Variants in DLG2 observed in about 807,000 individuals in gnomAD.
DLG2 encodes the protein disks large homolog 2.
A neutral mutation model predicts 132.5 loss-of-function variants in DLG2; 45 were observed. That is an observed-to-expected ratio of 0.34 (90% confidence interval 0.27 to 0.44). The LOEUF (loss-of-function observed/expected upper bound fraction) is 0.44. Among genes scored for constraint, DLG2 ranks in the 20% least tolerant of loss-of-function variants. The pLI, the probability that DLG2 is intolerant of heterozygous loss-of-function variation, is 1.00. For synonymous variants in DLG2, 424 were observed against 419.6 expected (o/e 1.01, Z -0.13); for missense variants, 1,045 against 1,196.9 (o/e 0.87, Z 1.87).
In DLG2 at chr11:83,825,130, T is replaced by TACACAC. The variant is rs749607243; in HGVS notation, c.1722+8483_1722+8484insGTGTGT. On this transcript the variant is annotated intron_variant, in intron 17 of 27. Coordinates refer to ENST00000376104, the MANE Select transcript of DLG2 (RefSeq NM_001142699.3). ...ATAGACATATATATACACATATATA[T>TACACAC]ATACACACACACACACACACACATA... 4.7e-3 allele frequency among the ~76,000 whole-genome samples: 421 copies of TACACAC among 89,112 alleles called. 3 individuals are homozygous for TACACAC. The highest frequency in any genetic ancestry group is 0.018 in the Middle Eastern group (2 of 114). 58.5% of individuals were successfully genotyped at this position (89,112 alleles called of 152,430 possible).
At chr11:85,405,557 C>T (rs1486571156) in intron 3 of DLG2, among the ~76,000 whole-genome samples, 1 of 151,962 alleles carries the variant, frequency 6.6e-6, no homozygotes, top group Non-Finnish European at 1.5e-5. Flanking sequence ...GCTTACCATC[C>T]ACCAGACACT....
At chr11:85,183,751 A>C (rs185720107) in intron 4 of DLG2, among the ~76,000 whole-genome samples, 2 of 151,970 alleles carry the variant, frequency 1.3e-5, no homozygotes, top group African/African-American at 4.8e-5. Flanking sequence ...ACCTCTGAAT[A>C]TTAGATCACT....
chr11:84,594,159 G>A (rs1183986494), intron 6 of DLG2, among the ~76,000 whole-genome samples: 1 of 152,134 alleles, frequency 6.6e-6, no homozygotes, highest in Non-Finnish European at 1.5e-5. Context: ...TGAAAAGAAT[G>A]AAACATAGGG....
chr11:84,568,337 C>G (rs1320100476), intron 6 of DLG2, among the ~76,000 whole-genome samples: 1 of 151,960 alleles, frequency 6.6e-6, no homozygotes, highest in African/African-American at 2.4e-5. Flanking sequence ...GGCGAAACCC[C>G]GTCTCTACTA....
intron 17 of DLG2, among the ~76,000 whole-genome samples, chr11:83,831,738 C>T (rs2054584897): frequency 6.6e-6 from 1 of 152,062 alleles, no homozygotes; most frequent in Non-Finnish European, 1.5e-5. Flanking sequence ...TAATATCAGC[C>T]ATAAGTACTG....
At chr11:85,564,762 C>T (rs982626294) in intron 3 of DLG2, among the ~76,000 whole-genome samples, 11 of 151,874 alleles carry the variant, frequency 7.2e-5, no homozygotes, top group Non-Finnish European at 1.3e-4. Context: ...ATTTTAGAAT[C>T]AGTTTGTCAA....
At chr11:85,403,190 C>A (rs2088348758) in intron 3 of DLG2, among the ~76,000 whole-genome samples, 1 of 152,058 alleles carries the variant, frequency 6.6e-6, no homozygotes, top group South Asian at 2.1e-4. Flanking sequence ...TTGTCCTTTG[C>A]AGAGACATGG....
At chr11:85,589,550 G>C (rs181656164) in intron 3 of DLG2, among the ~76,000 whole-genome samples, 21 of 152,302 alleles carry the variant, frequency 1.4e-4, no homozygotes, top group Admixed American at 1.1e-3. Flanking sequence ...AGCCACTGTG[G>C]GGGTGTGGGA....
chr11:83,968,360 T>A (rs1419572696), intron 12 of DLG2, among the ~76,000 whole-genome samples: 1 of 152,176 alleles, frequency 6.6e-6, no homozygotes, highest in South Asian at 2.1e-4. Context: ...CATTAAGCCG[T>A]AAGCTTCTCT....
intron 6 of DLG2, among the ~76,000 whole-genome samples, chr11:84,846,134 T>C (rs1442827717): frequency 1.3e-5 from 2 of 152,134 alleles, no homozygotes; most frequent in African/African-American, 4.8e-5. Context: ...AATCTTATCC[T>C]CTTAAATATC....
At chr11:85,613,606 C>G (rs1186547726) in intron 2 of DLG2, among the ~76,000 whole-genome samples, 1 of 152,124 alleles carries the variant, frequency 6.6e-6, no homozygotes, top group African/African-American at 2.4e-5. Context: ...TGCTCTGTGT[C>G]TAGCTAAAGG....
intron 3 of DLG2, among the ~76,000 whole-genome samples, chr11:85,499,427 A>G (rs1474477481): frequency 6.6e-6 from 1 of 152,212 alleles, no homozygotes; most frequent in Non-Finnish European, 1.5e-5. Context: ...GACCAATAAT[A>G]GGTTCTGAAA....
At chr11:83,795,441 A>ATATCTATATCTATATCTATATC (rs10658664) in intron 17 of DLG2, among the ~76,000 whole-genome samples, 73 of 147,472 alleles carry the variant, frequency 5.0e-4, no homozygotes, top group Non-Finnish European at 8.0e-4. Context: ...ATCTATATCT[A>ATATCTATATCTATATCTATATC]TATATCTATA....
intron 18 of DLG2, among the ~76,000 whole-genome samples, chr11:83,667,803 C>T (rs1234823233): frequency 1.3e-5 from 2 of 151,596 alleles, no homozygotes; most frequent in Admixed American, 6.6e-5. Flanking sequence ...CACGGTGAAA[C>T]CCCGTCTGTA....
At chr11:84,312,425 A>G (rs2098297141) in intron 7 of DLG2, among the ~76,000 whole-genome samples, 1 of 152,212 alleles carries the variant, frequency 6.6e-6, no homozygotes, top group Non-Finnish European at 1.5e-5. Context: ...GTTGAAGTGA[A>G]ATGAGGTGGC....
At chr11:84,006,352 G>GTT (rs2094571160) in intron 11 of DLG2, among the ~76,000 whole-genome samples, 1 of 151,540 alleles carries the variant, frequency 6.6e-6, no homozygotes. Context: ...TAGATGAAAC[G>GTT]TATAAGTTCT....
intron 6 of DLG2, among the ~76,000 whole-genome samples, chr11:84,779,316 T>G (rs534832208): frequency 2.0e-5 from 3 of 152,280 alleles, no homozygotes; most frequent in African/African-American, 7.2e-5. Context: ...GTACTCTTTT[T>G]TTGTTGCTAT....
At chr11:83,794,621 A>C (rs562261316) in intron 17 of DLG2, among the ~76,000 whole-genome samples, 2 of 152,068 alleles carry the variant, frequency 1.3e-5, no homozygotes, top group African/African-American at 4.8e-5. Flanking sequence ...TGTTAACATT[A>C]ATTGAGCATC....
At chr11:85,232,929 C>G (rs1044708558) in intron 4 of DLG2, among the ~76,000 whole-genome samples, 1 of 151,608 alleles carries the variant, frequency 6.6e-6, no homozygotes, top group African/African-American at 2.4e-5. Flanking sequence ...GATGACAAGT[C>G]TCTAGATGGA....
Sources: allele counts gnomAD v4.1 joint callset (sites outside exome capture counted in the v4.1 genomes callset), GRCh38; gene constraint gnomAD v4.1.1; transcripts MANE v1.5; gene names NCBI Gene and HGNC (gene_info 2026-07-23, HGNC 2026-07-21).